BCL2L11: variants seen among roughly 807,000 people sequenced by gnomAD.
The protein encoded by BCL2L11 is BCL2 like 11.
Under a neutral mutation model 20.6 loss-of-function variants are expected in BCL2L11, and 15 were observed. The observed-to-expected ratio is 0.73, with a 90% CI of 0.49 to 1.12. The LOEUF is 1.12. Among genes scored for constraint, BCL2L11 ranks in the 50% most tolerant of loss-of-function variants. The pLI, the probability that BCL2L11 is intolerant of heterozygous loss-of-function variation, is 0.00. For synonymous variants in BCL2L11, 108 were observed against 92.8 expected, an observed-to-expected ratio of 1.16 and a Z score of -0.94; for missense variants, 292 against 260.9, an observed-to-expected ratio of 1.12 and a Z score of -0.82.
intron 2 of BCL2L11, among the ~76,000 whole-genome samples, chr2:111,135,215 C>G (rs1188709115): frequency 6.6e-6 from 1 of 151,966 alleles, no homozygotes; most frequent in Admixed American, 6.6e-5. Flanking sequence ...TGAGTAAATT[C>G]TATTGATTTT....
Position 111,165,080 on chromosome 2 carries a change from C to G in BCL2L11, c.*849C>G, listed in dbSNP as rs1280718599. On this transcript the variant is annotated 3_prime_UTR_variant, in exon 4 of 4. Transcript: ENST00000393256. Reference sequence around the variant, plus strand: ...AGTTAATATCTGCCTGTATCTTGCACAGTTCGAGCGATCTGTTATTAACTG... The same window carrying G: ...AGTTAATATCTGCCTGTATCTTGCAGAGTTCGAGCGATCTGTTATTAACTG... The G allele has an allele frequency of 6.6e-6, 1 of 152,222 alleles. No individual in the cohort carries two copies. Among genetic ancestry groups the G allele is most frequent in the Non-Finnish European group, 1.5e-5 (1 of 68,046 alleles). The allele number at this position is 152,222 out of a possible 1,614,324, so 9.4% of individuals were successfully genotyped here. A position where few individuals can be genotyped will look rare whatever the true frequency, so the allele number is the denominator to read the frequency against.
In BCL2L11 at chr2:111,154,009, G is replaced by A. The variant is rs555489289; in HGVS notation, c.498+3862G>A. 9.7e-6 allele frequency: 12 copies of A among 1,235,210 alleles called. 1 individual carries two copies. In the South Asian group the frequency reaches 2.5e-4, roughly 25 times the overall value. The allele number at this position is 1,235,210 out of a possible 1,614,324, so 76.5% of individuals were successfully genotyped here. ...GGCCTGGCCCCTCTATTCAGTCGGA[G>A]TTTTACTACTCCAGTGGATTTTGGT... On this transcript the variant is annotated intron_variant, in intron 3 of 3. Coordinates refer to ENST00000393256, the MANE Select transcript of BCL2L11 (RefSeq NM_138621.5).
At chr2:111,132,972 CTA>C (rs1446818089) in intron 2 of BCL2L11, among the ~76,000 whole-genome samples, 1 of 152,186 alleles carries the variant, frequency 6.6e-6, no homozygotes, top group Non-Finnish European at 1.5e-5. Flanking sequence ...AGAACATACT[CTA>C]TACAATTTCA....
chr2:111,135,442 C>G (rs1032993710), intron 2 of BCL2L11, among the ~76,000 whole-genome samples: 5 of 151,930 alleles, frequency 3.3e-5, no homozygotes, highest in African/African-American at 4.8e-5. Flanking sequence ...ACTGCTGACA[C>G]CAGGAAGCAG....
At chr2:111,128,793 A>G in intron 2 of BCL2L11, 1 of 1,523,868 alleles carries the variant, frequency 6.6e-7, no homozygotes. Context: ...CTCTTCCTTG[A>G]GCATTTTGTC....
At chr2:111,138,432 A>G (rs1453180854) in intron 2 of BCL2L11, among the ~76,000 whole-genome samples, 1 of 152,100 alleles carries the variant, frequency 6.6e-6, no homozygotes, top group Non-Finnish European at 1.5e-5. Context: ...TATAATTTTA[A>G]TCTTTGTTTT....
intron 2 of BCL2L11, among the ~76,000 whole-genome samples, chr2:111,144,973 A>G (rs552422548): frequency 3.3e-4 from 50 of 152,294 alleles, no homozygotes; most frequent in African/African-American, 1.2e-3. Flanking sequence ...TTGGCTAAGT[A>G]TGTTCTATTA....
intron 3 of BCL2L11, among the ~76,000 whole-genome samples, chr2:111,155,407 G>A (rs556807291): frequency 4.6e-5 from 7 of 152,096 alleles, no homozygotes; most frequent in Middle Eastern, 3.4e-3. Flanking sequence ...TGTAGATTGC[G>A]ACCCTCTGTA....
chr2:111,141,819 C>A (rs557938599), intron 2 of BCL2L11, among the ~76,000 whole-genome samples: 2 of 152,022 alleles, frequency 1.3e-5, no homozygotes, highest in African/African-American at 4.8e-5. Flanking sequence ...CTGCCTCAGC[C>A]TCCTGAGTAG....
At chr2:111,163,446 C>A (rs1422044948) in intron 3 of BCL2L11, 1 of 152,228 alleles carries the variant, frequency 6.6e-6, no homozygotes, top group Non-Finnish European at 1.5e-5. Flanking sequence ...ACCTGAGGAC[C>A]CTGAAAGCAT....
chr2:111,144,472 C>G (rs776964241), intron 2 of BCL2L11: 119 of 1,550,436 alleles, frequency 7.7e-5, no homozygotes, highest in Admixed American at 3.3e-4. Context: ...GGCAGTTGCT[C>G]TCCTTTGCCT....
At position 111,164,104 on chromosome 2, in the gene BCL2L11, A is replaced by G. The variant is rs201285255; in HGVS notation, c.499-29A>G. 8.6e-5 allele frequency: 119 copies of G among 1,390,750 alleles called. 1 individual carries two copies. The East Asian group carries it at 8.7e-4, about 10-fold the overall frequency. The allele number at this position is 1,390,750 out of a possible 1,614,324, so 86.2% of individuals were successfully genotyped here. On this transcript the variant is annotated intron_variant, in intron 3 of 3. Coordinates refer to ENST00000393256, the MANE Select transcript of BCL2L11 (RefSeq NM_138621.5). Reference sequence around the variant, plus strand: ...CTCCCCACCCCCAAATTAGGGAGAAACTAAGAAGCTTTCCTTTTGTTGTTT... The same window carrying G: ...CTCCCCACCCCCAAATTAGGGAGAAGCTAAGAAGCTTTCCTTTTGTTGTTT...
chr2:111,132,528 A>G (rs1022347185), intron 2 of BCL2L11, among the ~76,000 whole-genome samples: 1 of 152,202 alleles, frequency 6.6e-6, no homozygotes, highest in African/African-American at 2.4e-5. Context: ...TGCAAAATAC[A>G]TTTTAGTCTC....
chr2:111,153,310 C>T (rs1028842406), intron 3 of BCL2L11, among the ~76,000 whole-genome samples: 9 of 151,998 alleles, frequency 5.9e-5, no homozygotes, highest in Admixed American at 3.3e-4. Flanking sequence ...ACCTGGAAGG[C>T]GCAGGTTGCA....
chr2:111,123,080 C>A, intron 1 of BCL2L11: 1 of 975,650 alleles, frequency 1.0e-6, no homozygotes, highest in South Asian at 4.7e-5. Flanking sequence ...GAGATGTGCA[C>A]CTCACGGTGT....
intron 3 of BCL2L11, among the ~76,000 whole-genome samples, chr2:111,157,363 C>T (rs2077997688): frequency 6.6e-6 from 1 of 152,246 alleles, no homozygotes; most frequent in African/African-American, 2.4e-5. Context: ...CACTAGACTT[C>T]TACCACCTGA....
chr2:111,125,979 A>C (rs141514321), intron 2 of BCL2L11, among the ~76,000 whole-genome samples: 1 of 152,292 alleles, frequency 6.6e-6, no homozygotes, highest in Non-Finnish European at 1.5e-5. Context: ...TATGGTGTGT[A>C]TCGTGAAACA....
intron 2 of BCL2L11, among the ~76,000 whole-genome samples, chr2:111,127,299 T>C (rs1463067860): frequency 6.6e-6 from 1 of 152,058 alleles, no homozygotes; most frequent in Admixed American, 6.6e-5. Context: ...CAATTGGAAA[T>C]AAGAGTTGAG....
intron 1 of BCL2L11, among the ~76,000 whole-genome samples, 186 bp downstream of exon 1, chr2:111,121,374 C>T (rs1471060237): frequency 6.6e-6 from 1 of 152,076 alleles, no homozygotes; most frequent in Non-Finnish European, 1.5e-5. Flanking sequence ...GGCAGGTTCT[C>T]TTTAAAGAAA....
Sources: allele counts gnomAD v4.1 joint callset (sites outside exome capture counted in the v4.1 genomes callset), GRCh38; gene constraint gnomAD v4.1.1; transcripts MANE v1.5; gene names NCBI Gene and HGNC (gene_info 2026-07-23, HGNC 2026-07-21).